SLC7A7: variants seen among roughly 807,000 people sequenced by gnomAD.
SLC7A7 encodes the protein Y+L amino acid transporter 1.
In SLC7A7, 39 loss-of-function variants were observed where a neutral mutation model predicts 47.9. The observed-to-expected ratio is 0.81, with a 90% CI of 0.63 to 1.06. SLC7A7 has a LOEUF of 1.06. Among genes scored for constraint, SLC7A7 ranks in the 50% least tolerant of loss-of-function variants. The pLI, the probability that SLC7A7 is intolerant of heterozygous loss-of-function variation, is 0.00. For synonymous variants in SLC7A7, 234 were observed against 242.8 expected (o/e 0.96, Z 0.34); for missense variants, 588 against 632.0 (o/e 0.93, Z 0.75).
chr14:22,818,034 A>AAAAAAAC (rs1555326668), upstream of SLC7A7, among the ~76,000 whole-genome samples: 1 of 152,022 alleles, frequency 6.6e-6, no homozygotes, highest in African/African-American at 2.4e-5. Flanking sequence ...CAAAAAAAAA[A>AAAAAAAC]ACACAAACAC....
intron 3 of SLC7A7, among the ~76,000 whole-genome samples, chr14:22,779,541 GC>G (rs1338081842): frequency 5.9e-5 from 9 of 151,342 alleles, no homozygotes; most frequent in South Asian, 2.1e-4. Flanking sequence ...TGCAACCACC[GC>G]CTCCTGGATT....
intron 2 of SLC7A7, among the ~76,000 whole-genome samples, chr14:22,805,232 G>C (rs958832150): frequency 5.3e-5 from 8 of 152,106 alleles, no homozygotes; most frequent in Admixed American, 6.5e-5. Context: ...CAGGTGTGGT[G>C]GTGGGCTCCT....
At chr14:22,786,734 G>T (rs535564532) in intron 2 of SLC7A7, among the ~76,000 whole-genome samples, 30 of 152,218 alleles carry the variant, frequency 2.0e-4, no homozygotes, top group Non-Finnish European at 3.8e-4. Context: ...AGGAGTTCAA[G>T]ACCAGCCTGG....
chr14:22,791,782 T>G (rs2038926647), intron 2 of SLC7A7, among the ~76,000 whole-genome samples: 1 of 151,742 alleles, frequency 6.6e-6, no homozygotes, highest in Admixed American at 6.6e-5. Flanking sequence ...TTTTCTTTGC[T>G]GCATCCCCAT....
chr14:22,787,174 G>A (rs1408902946), intron 2 of SLC7A7, among the ~76,000 whole-genome samples: 1 of 151,934 alleles, frequency 6.6e-6, no homozygotes, highest in African/African-American at 2.4e-5. Context: ...AGTGGCTCAC[G>A]CCTGTAATAC....
rs1030842828 is a variant in SLC7A7 at position 22,779,039 on chromosome 14, G to GT, written c.626-103dup. The GT allele has an allele frequency of 1.1e-5, 16 of 1,463,996 alleles. No homozygotes were observed. In the African/African-American group the frequency reaches 2.2e-4, roughly 20 times the overall value. 90.7% of individuals were successfully genotyped at this position (1,463,996 alleles called of 1,614,324 possible). ...ACAGAATATGGTAATATAATAGCAG[G>GT]TAAGTGGCCTACAACACCTTTGGCA... On this transcript the variant is annotated intron_variant, in intron 3 of 9. Coordinates refer to ENST00000674313, the MANE Select transcript of SLC7A7 (RefSeq NM_003982.4).
chr14:22,790,513 C>T (rs1161789719), intron 2 of SLC7A7, among the ~76,000 whole-genome samples: 2 of 152,044 alleles, frequency 1.3e-5, no homozygotes, highest in Non-Finnish European at 2.9e-5. Context: ...CTAAATGTGA[C>T]CTTATGCAAA....
At chr14:22,796,633 T>C (rs897828745) in intron 2 of SLC7A7, among the ~76,000 whole-genome samples, 1 of 152,170 alleles carries the variant, frequency 6.6e-6, no homozygotes, top group Admixed American at 6.6e-5. Context: ...ACAGGGGACA[T>C]ACTGAAGGCA....
rs1424122006 is a variant in SLC7A7 at position 22,778,926 on chromosome 14, G to A, written c.637C>T (p.His213Tyr). The A allele has an allele frequency of 6.2e-7, 1 of 1,614,028 alleles. No individual in the cohort carries two copies. Among genetic ancestry groups the A allele is most frequent in the Admixed American group, 1.7e-5 (1 of 59,996 alleles). Reference protein sequence around the residue: ...IVRLGQGASTHFENSFEGSSF... With the variant: ...IVRLGQGASTYFENSFEGSSF... ...GAACCCTCAAAGGAATTCTCAAAAT[G>A]AGTAGAGGCTCCTGGAACCCAAGAA... Residue 213 changes from histidine to tyrosine, a missense_variant, in exon 4 of 10, where the codon CAT becomes TAT. Physicochemically the swap from His to Tyr is moderately conservative, Grantham distance 83. Transcript: ENST00000674313.
Position 22,776,425 on chromosome 14 carries a change from CTG to C in SLC7A7, c.771-109_771-108del, listed in dbSNP as rs1270185758. Reference sequence around the variant, plus strand: ...ACACCGGTCTTTCCAGGGATGGAGACTGTTGCTACATTTCCTCAATGCATTTG... The same window carrying C: ...ACACCGGTCTTTCCAGGGATGGAGACTTGCTACATTTCCTCAATGCATTTG... On this transcript the variant is annotated intron_variant, in intron 4 of 9. Transcript: ENST00000674313. 2.2e-5 allele frequency: 31 copies of C among 1,425,014 alleles called. No individual in the cohort carries two copies. In the Admixed American group the frequency reaches 3.7e-4, roughly 17 times the overall value. The allele number at this position is 1,425,014 out of a possible 1,614,324, so 88.3% of individuals were successfully genotyped here. A position where few individuals can be genotyped will look rare whatever the true frequency, so the allele number is the denominator to read the frequency against.
intron 2 of SLC7A7, among the ~76,000 whole-genome samples, chr14:22,792,358 T>G (rs1356381381): frequency 6.6e-6 from 1 of 151,668 alleles, no homozygotes; most frequent in African/African-American, 2.4e-5. Context: ...AGGCCAGGAG[T>G]TGGAGACCAG....
chr14:22,805,380 G>T (rs10133059), intron 2 of SLC7A7, among the ~76,000 whole-genome samples: 19,121 of 152,078 alleles, frequency 0.13, 1,368 homozygotes, highest in South Asian at 0.19. Flanking sequence ...AAAAAGAAAG[G>T]TACGGCAAGT....
intron 2 of SLC7A7, among the ~76,000 whole-genome samples, chr14:22,781,967 G>A (rs1279679269): frequency 2.6e-5 from 4 of 152,206 alleles, no homozygotes; most frequent in African/African-American, 9.7e-5. Flanking sequence ...TCTGAGCTGT[G>A]TGCCACAAGG....
At chr14:22,809,793 G>A (rs2039273765) in intron 2 of SLC7A7, among the ~76,000 whole-genome samples, 1 of 152,050 alleles carries the variant, frequency 6.6e-6, no homozygotes, top group Non-Finnish European at 1.5e-5. Context: ...GGGTGAATGA[G>A]GATTTAAACA....
At chr14:22,798,022 A>C (rs529837938) in intron 2 of SLC7A7, among the ~76,000 whole-genome samples, 164 of 152,288 alleles carry the variant, frequency 1.1e-3, no homozygotes, top group African/African-American at 3.9e-3. Context: ...AGGGCTGGGC[A>C]CGGTGGCTCA....
At chr14:22,801,899 G>A (rs1036090936) in intron 2 of SLC7A7, among the ~76,000 whole-genome samples, 6 of 152,198 alleles carry the variant, frequency 3.9e-5, no homozygotes, top group African/African-American at 1.2e-4. Context: ...CAATGACAGT[G>A]CAGGGAACGT....
chr14:22,801,560 G>A (rs924112840), intron 2 of SLC7A7, among the ~76,000 whole-genome samples: 1 of 152,062 alleles, frequency 6.6e-6, no homozygotes, highest in Non-Finnish European at 1.5e-5. Context: ...GAGGCAGGCG[G>A]ATCATGAGGT....
chr14:22,791,778 T>C (rs1374681060), intron 2 of SLC7A7, among the ~76,000 whole-genome samples: 1 of 152,064 alleles, frequency 6.6e-6, no homozygotes, highest in Non-Finnish European at 1.5e-5. Context: ...TTCCTTTTCT[T>C]TGCTGCATCC....
At chr14:22,815,154 C>A (rs2039386022) in intron 1 of SLC7A7, 166 bp downstream of exon 1, 2 of 352,888 alleles carry the variant, frequency 5.7e-6, no homozygotes, top group South Asian at 2.1e-5. Flanking sequence ...CTGGAAAACA[C>A]CGAACAGGAG....
Sources: gnomAD v4.1 joint callset for allele counts (sites outside exome capture counted in the v4.1 genomes callset) on GRCh38, gnomAD v4.1.1 for gene constraint, MANE v1.5 for transcripts, NCBI Gene and HGNC (gene_info 2026-07-23, HGNC 2026-07-21) for gene names.